CMPK2: variants seen among roughly 807,000 people sequenced by gnomAD.
The protein encoded by CMPK2 is UMP-CMP kinase 2, mitochondrial.
In CMPK2, 32 loss-of-function variants were observed where a neutral mutation model predicts 33.4. The observed-to-expected ratio is 0.96, with a 90% CI of 0.72 to 1.29. The LOEUF is 1.29. CMPK2 is among the 50% of genes most tolerant of loss of function. The pLI is 0.00. For missense variants in CMPK2, 672 were observed against 616.0 expected, an observed-to-expected ratio of 1.09 and a Z score of -0.96; for synonymous variants, 299 against 275.3, an observed-to-expected ratio of 1.09 and a Z score of -0.85.
At chr2:6,855,051 T>C (rs1285028919) in intron 3 of CMPK2, among the ~76,000 whole-genome samples, 3 of 151,880 alleles carry the variant, frequency 2.0e-5, no homozygotes, top group African/African-American at 7.3e-5. Flanking sequence ...GTCAATATGG[T>C]TTGGTTCTTT....
intron 1 of CMPK2, chr2:6,864,356 C>T (rs1395627921): frequency 6.6e-6 from 1 of 152,242 alleles, no homozygotes; most frequent in Non-Finnish European, 1.5e-5. Flanking sequence ...TGCTCCACAA[C>T]GCTGTCCCGT....
chr2:6,859,760 G>C (rs1662818738), intron 3 of CMPK2, among the ~76,000 whole-genome samples: 2 of 152,240 alleles, frequency 1.3e-5, no homozygotes, highest in African/African-American at 2.4e-5. Flanking sequence ...GGGCAGTGTG[G>C]AAGGGAAATG....
Position 6,849,337 on chromosome 2 carries a change from AG to A in CMPK2, c.*512del. ...GCCAGGACACATAGACAGCCTCTGC[AG>A]GAACACTTGGCTCTAGAATTTGGGA... is the stretch of plus-strand genomic sequence containing the variant. On this transcript the variant is annotated 3_prime_UTR_variant, in exon 5 of 5. Coordinates refer to ENST00000256722, the MANE Select transcript of CMPK2 (RefSeq NM_207315.4). 1 of 986,340 alleles carries A rather than the reference AG, an allele frequency of 1.0e-6. No homozygotes were observed. Among genetic ancestry groups the A allele is most frequent in the Non-Finnish European group, 1.2e-6 (1 of 830,636 alleles). The allele number at this position is 986,340 out of a possible 1,614,324, so 61.1% of individuals were successfully genotyped here.
In CMPK2 at chr2:6,849,669, C is replaced by T. The variant is rs147292262; in HGVS notation, c.*181G>A. 574 of 1,436,786 alleles carry T rather than the reference C, an allele frequency of 4.0e-4. 2 individuals carry two copies. In the African/African-American group the frequency reaches 7.0e-3, roughly 18 times the overall value. The allele number at this position is 1,436,786 out of a possible 1,614,324, so 89.0% of individuals were successfully genotyped here. Reference sequence around the variant, plus strand: ...ATGATGAGAGGGACCTTTGTGATGACGGGTCCATCAGTCAGAAGAGGGTAC... The same window carrying T: ...ATGATGAGAGGGACCTTTGTGATGATGGGTCCATCAGTCAGAAGAGGGTAC... On this transcript the variant is annotated 3_prime_UTR_variant, in exon 5 of 5. Coordinates refer to ENST00000256722, the MANE Select transcript of CMPK2 (RefSeq NM_207315.4).
In CMPK2 at chr2:6,849,390, T is replaced by A. The variant is rs890252591; in HGVS notation, c.*460A>T. On this transcript the variant is annotated 3_prime_UTR_variant, in exon 5 of 5. Coordinates refer to ENST00000256722, the MANE Select transcript of CMPK2 (RefSeq NM_207315.4). ...TGAGGGAGATGCAGCGAGCCCATCA[T>A]GACGAGTGCAACCAGATGTGGAAGA... The A allele has an allele frequency of 6.1e-6, 6 of 988,368 alleles. No individual in the cohort carries two copies. The highest frequency in any genetic ancestry group is 1.7e-5 in the African/African-American group (1 of 57,250). The allele number at this position is 988,368 out of a possible 1,614,324, so 61.2% of individuals were successfully genotyped here.
rs1662415636 is a variant in CMPK2, at chr2:6,848,373, A to C, written c.*1477T>G. ...GTGCCAGGGACATAAAGATACATTA[A>C]TTGTTTGTTTTTCTAGGCTGCCAGT... On this transcript the variant is annotated 3_prime_UTR_variant, in exon 5 of 5. Coordinates refer to ENST00000256722, the MANE Select transcript of CMPK2 (RefSeq NM_207315.4). The C allele has an allele frequency of 4.1e-6, 4 of 985,176 alleles. No individual in the cohort carries two copies. Among genetic ancestry groups the C allele is most frequent in the Non-Finnish European group, 4.8e-6 (4 of 829,806 alleles). The allele number at this position is 985,176 out of a possible 1,614,324, so 61.0% of individuals were successfully genotyped here.
At position 6,848,376 on chromosome 2, in the gene CMPK2, G is replaced by T. The variant is rs930039528; in HGVS notation, c.*1474C>A. 1 of 985,050 alleles carries T rather than the reference G, an allele frequency of 1.0e-6. No homozygotes were observed. The highest frequency in any genetic ancestry group is 1.7e-5 in the African/African-American group (1 of 57,220). The allele number at this position is 985,050 out of a possible 1,614,324, so 61.0% of individuals were successfully genotyped here. On this transcript the variant is annotated 3_prime_UTR_variant, in exon 5 of 5. Coordinates refer to ENST00000256722, the MANE Select transcript of CMPK2 (RefSeq NM_207315.4). ...CCAGGGACATAAAGATACATTAATT[G>T]TTTGTTTTTCTAGGCTGCCAGTATA...
intron 2 of CMPK2, among the ~76,000 whole-genome samples, chr2:6,861,772 C>T (rs1662890345): frequency 6.6e-6 from 1 of 152,236 alleles, no homozygotes. Context: ...CTCGCCCCTC[C>T]TCTCTTTCTA....
intron 2 of CMPK2, among the ~76,000 whole-genome samples, chr2:6,861,765 G>A (rs569275828): frequency 2.3e-4 from 35 of 152,212 alleles, no homozygotes; most frequent in African/African-American, 8.2e-4. Flanking sequence ...AACTCTTCTC[G>A]CCCCTCCTCT....
chr2:6,852,668 T>C (rs1049478373), intron 3 of CMPK2, among the ~76,000 whole-genome samples: 2 of 152,202 alleles, frequency 1.3e-5, no homozygotes, highest in Non-Finnish European at 2.9e-5. Flanking sequence ...GAGTGGGAAA[T>C]CTTTTTTAGT....
intron 3 of CMPK2, among the ~76,000 whole-genome samples, chr2:6,854,895 T>C (rs6710967): frequency 0.054 from 8,225 of 151,830 alleles, 721 homozygotes; most frequent in African/African-American, 0.19. Context: ...GGGGACAGAG[T>C]GCAGAAATCC....
chr2:6,852,947 T>C (rs1662568224), intron 3 of CMPK2, among the ~76,000 whole-genome samples: 1 of 151,780 alleles, frequency 6.6e-6, no homozygotes, highest in African/African-American at 2.4e-5. Flanking sequence ...ATTACCACCT[T>C]CAATCCTTTA....
chr2:6,850,276 G>A (rs1211958971), intron 4 of CMPK2, among the ~76,000 whole-genome samples: 1 of 152,186 alleles, frequency 6.6e-6, no homozygotes, highest in Non-Finnish European at 1.5e-5. Context: ...TGTCATCCCT[G>A]TTTTGCAGAG....
At position 6,849,684 on chromosome 2, in the gene CMPK2, G is replaced by A; in HGVS notation, c.*166C>T. ...TTTGTGATGACGGGTCCATCAGTCA[G>A]AAGAGGGTACGATGGCTGAAGTAAA... is the stretch of plus-strand genomic sequence containing the variant. On this transcript the variant is annotated 3_prime_UTR_variant, in exon 5 of 5. Transcript: ENST00000256722. 1 of 1,478,346 alleles carries A rather than the reference G, an allele frequency of 6.8e-7. No individual in the cohort carries two copies. The highest frequency in any genetic ancestry group is 8.9e-7 in the Non-Finnish European group (1 of 1,125,672). The allele number at this position is 1,478,346 out of a possible 1,614,324, so 91.6% of individuals were successfully genotyped here.
chr2:6,850,109 C>T, intron 4 of CMPK2, 136 bp from the exon 5 acceptor site: 1 of 617,132 alleles, frequency 1.6e-6, no homozygotes, highest in Non-Finnish European at 2.8e-6. Flanking sequence ...CTAGCTTTGC[C>T]CACAGAAGAC....
chr2:6,865,490 C>T lies in CMPK2; in HGVS notation c.207G>A (p.Pro69=). Residue 69 remains proline (P), a synonymous_variant, in exon 1 of 5, where the codon CCG becomes CCA. Coordinates refer to ENST00000256722, the MANE Select transcript of CMPK2 (RefSeq NM_207315.4). ...GCACGCACAGCGAGTAGCTGCGCTC[C>T]GGGGGCCCCAGCAGCGCCGCCAGGC... The part of the protein sequence containing the change: ...DPRLAALLGP[P]ERSYSLCVPV... The T allele has an allele frequency of 6.3e-6, 8 of 1,269,006 alleles. No homozygotes were observed. The highest frequency in any genetic ancestry group is 7.9e-6 in the Non-Finnish European group (8 of 1,011,998). 78.6% of individuals were successfully genotyped at this position (1,269,006 alleles called of 1,614,324 possible).
At chr2:6,858,294 C>T (rs972039703) in intron 3 of CMPK2, among the ~76,000 whole-genome samples, 4 of 151,842 alleles carry the variant, frequency 2.6e-5, no homozygotes, top group East Asian at 3.9e-4. Context: ...GAGGGTTAGC[C>T]GTTTTTTAGC....
upstream of CMPK2, chr2:6,866,611 T>A: frequency 4.4e-6 from 1 of 227,408 alleles, no homozygotes; most frequent in Non-Finnish European, 7.3e-6. Context: ...ATCAGCACTG[T>A]TGCTGCCTAA....
intron 3 of CMPK2, among the ~76,000 whole-genome samples, chr2:6,852,593 A>G (rs1399116995): frequency 6.6e-6 from 1 of 152,180 alleles, no homozygotes; most frequent in East Asian, 1.9e-4. Flanking sequence ...AAAACTCCTC[A>G]TTGCAAATCA....
Sources: gnomAD v4.1 joint callset for allele counts (sites outside exome capture counted in the v4.1 genomes callset) on GRCh38, gnomAD v4.1.1 for gene constraint, MANE v1.5 for transcripts, NCBI Gene and HGNC (gene_info 2026-07-23, HGNC 2026-07-21) for gene names.